The following PXDNL variants were observed in gnomAD, a reference collection of about 807,000 sequenced individuals.
PXDNL encodes probable oxidoreductase PXDNL.
PXDNL carries 145 observed loss-of-function variants against 150.8 expected under a neutral mutation model. The ratio of observed to expected loss-of-function variants is 0.96; its 90% CI spans 0.84 to 1.10. The LOEUF (loss-of-function observed/expected upper bound fraction) is 1.10, where lower values mean the gene tolerates loss of function less well. PXDNL is among the 50% of genes least tolerant of loss of function. The pLI is 0.00. For missense variants in PXDNL, 2,087 were observed against 1,873.9 expected (o/e 1.11, Z -2.10); for synonymous variants, 757 against 725.7 (o/e 1.04, Z -0.69).
chr8:51,679,292 G>A (rs76189624), intron 1 of PXDNL, among the ~76,000 whole-genome samples: 7,722 of 152,120 alleles, frequency 0.051, 265 homozygotes, highest in African/African-American at 0.099. Context: ...TCTAGGCCTC[G>A]CACTTATAGT....
At chr8:51,788,121 T>C (rs978144424) in intron 1 of PXDNL, among the ~76,000 whole-genome samples, 4 of 152,260 alleles carry the variant, frequency 2.6e-5, no homozygotes, top group African/African-American at 7.2e-5. Context: ...ATAACTTTTA[T>C]ATATCCTGCA....
intron 4 of PXDNL, among the ~76,000 whole-genome samples, chr8:51,522,248 C>A (rs1243194183): frequency 9.2e-5 from 14 of 152,090 alleles, no homozygotes; most frequent in Admixed American, 9.2e-4. Flanking sequence ...AGAAAAAGAT[C>A]ATCAAAAATA....
chr8:51,324,476 G>T (rs1414412016), intron 21 of PXDNL, among the ~76,000 whole-genome samples: 1 of 152,180 alleles, frequency 6.6e-6, no homozygotes, highest in Non-Finnish European at 1.5e-5. Flanking sequence ...GTTGTCAAAA[G>T]TGTGACTATG....
At chr8:51,621,682 G>A (rs1046029319) in intron 2 of PXDNL, among the ~76,000 whole-genome samples, 5 of 152,078 alleles carry the variant, frequency 3.3e-5, no homozygotes, top group African/African-American at 1.2e-4. Context: ...GCTCACACCT[G>A]TAATCCCCAC....
At chr8:51,559,039 G>A (rs564485237) in intron 3 of PXDNL, among the ~76,000 whole-genome samples, 1 of 151,998 alleles carries the variant, frequency 6.6e-6, no homozygotes, top group African/African-American at 2.4e-5. Flanking sequence ...GAATAAGGGG[G>A]ATATTATTTG....
chr8:51,445,206 A>AACC, intron 12 of PXDNL, among the ~76,000 whole-genome samples: 1 of 152,108 alleles, frequency 6.6e-6, no homozygotes, highest in Non-Finnish European at 1.5e-5. Context: ...AGGTGTGAGC[A>AACC]ACCACCACGC....
chr8:51,758,548 C>T (rs761178581), intron 1 of PXDNL, among the ~76,000 whole-genome samples: 14 of 152,154 alleles, frequency 9.2e-5, no homozygotes, highest in Admixed American at 6.5e-4. Context: ...GTGTCAAGGG[C>T]GAGACGTACT....
At chr8:51,625,072 C>A (rs535479542) in intron 2 of PXDNL, among the ~76,000 whole-genome samples, 112 of 152,050 alleles carry the variant, frequency 7.4e-4, no homozygotes, top group Non-Finnish European at 1.3e-3. Flanking sequence ...AAAATACAGA[C>A]CATGAAAACC....
intron 1 of PXDNL, among the ~76,000 whole-genome samples, chr8:51,680,442 G>T (rs1021131528): frequency 6.6e-6 from 1 of 152,126 alleles, no homozygotes; most frequent in East Asian, 1.9e-4. Context: ...ATAAATGAAG[G>T]TGTATTACAG....
rs550675328 is a variant in PXDNL at position 51,678,633 on chromosome 8, C to T, written c.165-23873G>A. On this transcript the variant is annotated intron_variant, in intron 1 of 22. Transcript: ENST00000356297. The stretch of plus-strand genomic sequence containing the variant: ...ATCGCAAGAACAAAAAACCAAACAC[C>T]GCATATTCTCACTCATAGGTGGGAA... 1.1e-4 allele frequency among the ~76,000 whole-genome samples: 16 copies of T among 150,116 alleles called. No homozygotes were observed. The East Asian group carries it at 3.1e-3, about 29-fold the overall frequency.
intron 1 of PXDNL, among the ~76,000 whole-genome samples, chr8:51,803,381 C>T (rs2037641471): frequency 6.6e-6 from 1 of 152,072 alleles, no homozygotes; most frequent in African/African-American, 2.4e-5. Flanking sequence ...GCCTACCACA[C>T]AAAAAAACTC....
chr8:51,752,363 C>T (rs780686723), intron 1 of PXDNL, among the ~76,000 whole-genome samples: 2 of 151,892 alleles, frequency 1.3e-5, no homozygotes, highest in Non-Finnish European at 2.9e-5. Flanking sequence ...TTAAGAATTC[C>T]TTCATTATCT....
intron 20 of PXDNL, among the ~76,000 whole-genome samples, chr8:51,340,650 T>C (rs1263688599): frequency 3.3e-5 from 5 of 152,292 alleles, no homozygotes; most frequent in East Asian, 1.9e-4. Context: ...AGACATAGTA[T>C]AGAGTTTACA....
At chr8:51,445,100 A>C (rs1334019268) in intron 12 of PXDNL, among the ~76,000 whole-genome samples, 1 of 151,980 alleles carries the variant, frequency 6.6e-6, no homozygotes, top group Non-Finnish European at 1.5e-5. Flanking sequence ...TTGTATTTTT[A>C]GTAGAGACAG....
chr8:51,439,423 T>C (rs796550248), intron 12 of PXDNL, among the ~76,000 whole-genome samples: 1 of 152,138 alleles, frequency 6.6e-6, no homozygotes, highest in African/African-American at 2.4e-5. Flanking sequence ...AATAAAAAAA[T>C]AATAGATGTT....
At chr8:51,595,233 A>G (rs920169809) in intron 2 of PXDNL, among the ~76,000 whole-genome samples, 3 of 152,148 alleles carry the variant, frequency 2.0e-5, no homozygotes, top group Non-Finnish European at 4.4e-5. Flanking sequence ...CCTTACCCAG[A>G]GTATGCCCAT....
At position 51,446,943 on chromosome 8, in the gene PXDNL, G is replaced by C. The variant is rs1010104627; in HGVS notation, c.1525+61C>G. On this transcript the variant is annotated intron_variant, in intron 12 of 22. Coordinates refer to ENST00000356297, the MANE Select transcript of PXDNL (RefSeq NM_144651.5). ...ATGTCATAAGATCCCTGTCAGGTGT[G>C]TTAAAGACACAGGCAGAAGGCACAC... 7 of 1,496,338 alleles carry C rather than the reference G, an allele frequency of 4.7e-6. No homozygotes were observed. In the Admixed American group the frequency reaches 1.2e-4, roughly 25 times the overall value. The allele number at this position is 1,496,338 out of a possible 1,614,324, so 92.7% of individuals were successfully genotyped here. A position where few individuals can be genotyped will look rare whatever the true frequency, so the allele number is the denominator to read the frequency against.
rs193277234 is a variant in PXDNL, at chr8:51,377,673, G to A, written c.3558-2942C>T. ...GCTTAGCACCTGGGCCAGCAGCTGC[G>A]GAGGGTGCACCGGGTCCCCCAGCAG... On this transcript the variant is annotated intron_variant, in intron 17 of 22. Transcript: ENST00000356297. Among the ~76,000 whole-genome samples, 26 of 152,340 alleles carry A rather than the reference G, an allele frequency of 1.7e-4. No homozygotes were observed. In the East Asian group the frequency reaches 2.7e-3, roughly 16 times the overall value.
intron 4 of PXDNL, 60 bp from the exon 5 acceptor site, chr8:51,499,830 G>T: frequency 8.9e-7 from 1 of 1,129,236 alleles, no homozygotes; most frequent in Non-Finnish European, 1.3e-6. Context: ...TAAAATGTTT[G>T]AAGAATTAGC....
Sources: gnomAD v4.1 joint callset for allele counts (sites outside exome capture counted in the v4.1 genomes callset) on GRCh38, gnomAD v4.1.1 for gene constraint, MANE v1.5 for transcripts, NCBI Gene and HGNC (gene_info 2026-07-23, HGNC 2026-07-21) for gene names.